SPHKAP: variants seen among roughly 807,000 people sequenced by gnomAD.
The protein encoded by SPHKAP is A-kinase anchor protein SPHKAP.
A neutral mutation model predicts 137.5 loss-of-function variants in SPHKAP; 67 were observed. The observed-to-expected ratio is 0.49, with a 90% CI of 0.40 to 0.60. SPHKAP has a LOEUF of 0.60. Ranked by LOEUF, SPHKAP falls within the 20% of genes least tolerant of loss-of-function variation. SPHKAP has a pLI of 0.00. For synonymous variants in SPHKAP, 813 were observed against 785.3 expected (o/e 1.04, Z -0.59); for missense variants, 2,097 against 2,069.3 (o/e 1.01, Z -0.26).
rs369418169 is a variant in SPHKAP, at chr2:227,998,001, TTTTGTTTG to T, written c.4449-2315_4449-2308del. Among the ~76,000 whole-genome samples the T allele has an allele frequency of 5.9e-5, 9 of 152,198 alleles. 1 individual carries two copies. Among genetic ancestry groups the T allele is most frequent in the South Asian group, 4.2e-4 (2 of 4,818 alleles). Reference sequence around the variant, plus strand: ...TGGCACTACTTGCAAGCTGGTAGTTTTTTGTTTGTTTGTTTGTTTGTTTGAGACAAAGT... The same window carrying T: ...TGGCACTACTTGCAAGCTGGTAGTTTTTTGTTTGTTTGTTTGAGACAAAGT... On this transcript the variant is annotated intron_variant, in intron 7 of 11. Coordinates refer to ENST00000392056, the MANE Select transcript of SPHKAP (RefSeq NM_001142644.2).
At chr2:228,040,305 C>T (rs1695787298) in intron 3 of SPHKAP, among the ~76,000 whole-genome samples, 1 of 152,110 alleles carries the variant, frequency 6.6e-6, no homozygotes, top group Admixed American at 6.6e-5. Flanking sequence ...AAAACATTGC[C>T]TCCTTTCTTT....
intron 1 of SPHKAP, among the ~76,000 whole-genome samples, chr2:228,174,931 C>T (rs1321679280): frequency 6.7e-6 from 1 of 149,230 alleles, no homozygotes; most frequent in Non-Finnish European, 1.5e-5. Context: ...AAGAATGCCT[C>T]TGATAAATAT....
chr2:227,999,767 T>G (rs1040223060), intron 7 of SPHKAP, among the ~76,000 whole-genome samples: 1 of 152,174 alleles, frequency 6.6e-6, no homozygotes, highest in African/African-American at 2.4e-5. Context: ...GAAATTGAAA[T>G]TTACAGTTCT....
intron 3 of SPHKAP, among the ~76,000 whole-genome samples, chr2:228,035,787 T>A (rs1559360158): frequency 6.6e-6 from 1 of 152,216 alleles, no homozygotes; most frequent in Non-Finnish European, 1.5e-5. Flanking sequence ...GGGGAAAGGA[T>A]TCCCTATTTA....
intron 3 of SPHKAP, among the ~76,000 whole-genome samples, chr2:228,074,592 C>T (rs574312014): frequency 6.6e-6 from 1 of 152,122 alleles, no homozygotes; most frequent in South Asian, 2.1e-4. Context: ...CCACCTGGCC[C>T]CACCCTTGAC....
intron 7 of SPHKAP, among the ~76,000 whole-genome samples, chr2:228,003,049 G>C (rs1350781270): frequency 1.3e-5 from 2 of 152,104 alleles, no homozygotes; most frequent in Admixed American, 6.6e-5. Context: ...TTGGCAATGC[G>C]GGCTCTTTTT....
intron 3 of SPHKAP, among the ~76,000 whole-genome samples, chr2:228,063,710 G>A (rs905024699): frequency 6.6e-6 from 1 of 152,142 alleles, no homozygotes; most frequent in African/African-American, 2.4e-5. Context: ...AAGTGTTGTA[G>A]AGAGTTTTAG....
intron 7 of SPHKAP, among the ~76,000 whole-genome samples, chr2:228,015,807 GA>G (rs759395216): frequency 1.3e-5 from 2 of 152,030 alleles, no homozygotes; most frequent in Non-Finnish European, 2.9e-5. Context: ...AACAAAAACA[GA>G]AAGCAAAACT....
intron 11 of SPHKAP, chr2:227,982,483 G>T: frequency 4.3e-6 from 2 of 469,342 alleles, no homozygotes; most frequent in Non-Finnish European, 5.6e-6. Flanking sequence ...CCACAGCCTA[G>T]AGAGAAAGTC....
intron 1 of SPHKAP, among the ~76,000 whole-genome samples, chr2:228,178,946 A>T (rs1010513668): frequency 7.2e-5 from 11 of 152,160 alleles, no homozygotes; most frequent in African/African-American, 2.4e-4. Flanking sequence ...AAAAAAAAAA[A>T]ACATGTTTTA....
intron 1 of SPHKAP, among the ~76,000 whole-genome samples, chr2:228,154,234 G>A (rs534834033): frequency 6.6e-6 from 1 of 151,578 alleles, no homozygotes; most frequent in African/African-American, 2.4e-5. Flanking sequence ...TAAAGACATT[G>A]CACTTACAAG....
intron 3 of SPHKAP, among the ~76,000 whole-genome samples, chr2:228,042,166 C>T (rs1022056558): frequency 2.0e-5 from 3 of 152,130 alleles, no homozygotes; most frequent in African/African-American, 4.8e-5. Flanking sequence ...GAAGGAGCTG[C>T]ATTTAGGTCT....
At chr2:228,052,003 CACAA>C (rs1249653347) in intron 3 of SPHKAP, among the ~76,000 whole-genome samples, 1 of 152,114 alleles carries the variant, frequency 6.6e-6, no homozygotes, top group Non-Finnish European at 1.5e-5. Context: ...TTTGGAGTGA[CACAA>C]ACATTTAGAC....
At chr2:227,994,888 G>A (rs1262153778) in intron 8 of SPHKAP, among the ~76,000 whole-genome samples, 3 of 152,182 alleles carry the variant, frequency 2.0e-5, no homozygotes, top group Non-Finnish European at 4.4e-5. Flanking sequence ...TTTGGCCTCT[G>A]TGCAAAGTTT....
chr2:228,180,829 T>C (rs7608730), intron 1 of SPHKAP, among the ~76,000 whole-genome samples: 26,216 of 152,072 alleles, frequency 0.17, 2,349 homozygotes, highest in African/African-American at 0.2. Flanking sequence ...AGAAGGAGTG[T>C]GGAACAGGGG....
chr2:228,024,513 G>A (rs1287429725), intron 5 of SPHKAP, among the ~76,000 whole-genome samples: 1 of 152,060 alleles, frequency 6.6e-6, no homozygotes, highest in East Asian at 1.9e-4. Flanking sequence ...AGGGAGATGT[G>A]ATTACCTGGA....
intron 5 of SPHKAP, chr2:228,022,265 G>C (rs1694868514): frequency 2.3e-6 from 2 of 868,286 alleles, no homozygotes; most frequent in African/African-American, 3.6e-5. Flanking sequence ...AGGCAAAGAA[G>C]ATTTTTATTT....
intron 3 of SPHKAP, among the ~76,000 whole-genome samples, chr2:228,092,475 A>G (rs1408341811): frequency 3.0e-5 from 1 of 33,070 alleles, no homozygotes; most frequent in Non-Finnish European, 5.5e-5. Flanking sequence ...TGCCATATAT[A>G]TGTATACATA....
intron 1 of SPHKAP, among the ~76,000 whole-genome samples, chr2:228,154,963 T>C (rs1700066145): frequency 6.6e-6 from 1 of 152,064 alleles, no homozygotes; most frequent in Non-Finnish European, 1.5e-5. Context: ...TCCTCCTTTT[T>C]GTGTAAGTTA....
Sources: allele counts gnomAD v4.1 joint callset (sites outside exome capture counted in the v4.1 genomes callset), GRCh38; gene constraint gnomAD v4.1.1; transcripts MANE v1.5; gene names NCBI Gene and HGNC (gene_info 2026-07-23, HGNC 2026-07-21).